Variants in RGS18 observed in about 807,000 individuals in gnomAD.
The protein encoded by RGS18 is regulator of G-protein signaling 18.
In RGS18, 22 loss-of-function variants were observed where a neutral mutation model predicts 27.6. The observed-to-expected ratio is 0.80, with a 90% confidence interval of 0.57 to 1.14. The LOEUF (loss-of-function observed/expected upper bound fraction) is 1.14, where lower values mean the gene tolerates loss of function less well. Ranked by LOEUF, RGS18 falls within the 50% of genes most tolerant of loss-of-function variation. The probability of loss-of-function intolerance (pLI) is 0.00; values close to 1 mark genes in which losing one functional copy is unlikely to be tolerated. For missense variants in RGS18, 299 were observed against 269.6 expected (o/e 1.11, Z -0.76); for synonymous variants, 89 against 84.6 (o/e 1.05, Z -0.29).
intron 3 of RGS18, among the ~76,000 whole-genome samples, chr1:192,174,002 C>T (rs1005743182): frequency 6.6e-6 from 1 of 151,210 alleles, no homozygotes; most frequent in African/African-American, 2.4e-5. Context: ...TATACCCTTC[C>T]TGTTTTTTTT....
intron 3 of RGS18, among the ~76,000 whole-genome samples, chr1:192,176,507 T>C (rs1656361057): frequency 6.6e-6 from 1 of 151,786 alleles, no homozygotes; most frequent in African/African-American, 2.4e-5. Context: ...GCCTCAATAT[T>C]TTTTCTAGTT....
chr1:192,174,228 T>C (rs934030994), intron 3 of RGS18, among the ~76,000 whole-genome samples: 1 of 151,820 alleles, frequency 6.6e-6, no homozygotes, highest in Non-Finnish European at 1.5e-5. Context: ...TTTTCAAATA[T>C]TTGTTTTTGT....
intron 2 of RGS18, among the ~76,000 whole-genome samples, chr1:192,159,799 A>C (rs1438236271): frequency 6.6e-6 from 1 of 152,122 alleles, no homozygotes; most frequent in Admixed American, 6.5e-5. Context: ...ATTCTTCCAA[A>C]TTAGAGTATA....
chr1:192,178,450 G>C (rs1656394782), intron 3 of RGS18, among the ~76,000 whole-genome samples: 1 of 151,526 alleles, frequency 6.6e-6, no homozygotes, highest in African/African-American at 2.4e-5. Flanking sequence ...GATGAAGAAG[G>C]ATAAACTGAG....
chr1:192,165,466 C>T (rs1356566570), intron 3 of RGS18, among the ~76,000 whole-genome samples: 5 of 152,074 alleles, frequency 3.3e-5, no homozygotes, highest in Non-Finnish European at 7.4e-5. Flanking sequence ...TCGTACACTC[C>T]CTCCCCTTTG....
At chr1:192,161,466 A>C (rs1264640690) in intron 3 of RGS18, 1 of 152,184 alleles carries the variant, frequency 6.6e-6, no homozygotes, top group Non-Finnish European at 1.5e-5. Flanking sequence ...GAAAGACTCA[A>C]CTGAGCAGGT....
intron 3 of RGS18, among the ~76,000 whole-genome samples, chr1:192,175,799 C>T (rs1656348908): frequency 6.6e-6 from 1 of 151,866 alleles, no homozygotes; most frequent in Admixed American, 6.6e-5. Context: ...ACCAATTAAG[C>T]CCCCTATGTC....
rs1321555398 is a variant in RGS18 at position 192,185,219 on chromosome 1, C to T, written c.*665C>T. On this transcript the variant is annotated 3_prime_UTR_variant, in exon 5 of 5. Coordinates refer to ENST00000367460, the MANE Select transcript of RGS18 (RefSeq NM_130782.3). ...AATAAGATCCACATTTGAACTCATT[C>T]CTAAGTGAACATGGACGTACCCAGT... 1.3e-5 allele frequency: 2 copies of T among 151,614 alleles called. No homozygotes were observed. The allele number at this position is 151,614 out of a possible 1,614,324, so 9.4% of individuals were successfully genotyped here. A position where few individuals can be genotyped will look rare whatever the true frequency, so the allele number is the denominator to read the frequency against.
chr1:192,165,246 C>G (rs1656144845), intron 3 of RGS18, among the ~76,000 whole-genome samples: 1 of 152,086 alleles, frequency 6.6e-6, no homozygotes, highest in Non-Finnish European at 1.5e-5. Flanking sequence ...TTAGGAAATT[C>G]CAGCCTGGTG....
At chr1:192,161,206 A>G (rs115768317) in intron 3 of RGS18, among the ~76,000 whole-genome samples, 186 of 152,266 alleles carry the variant, frequency 1.2e-3, no homozygotes, top group African/African-American at 4.2e-3. Context: ...CTTCATATCA[A>G]TTGTCTATTT....
At chr1:192,178,124 G>T (rs1293225804) in intron 3 of RGS18, among the ~76,000 whole-genome samples, 1 of 151,538 alleles carries the variant, frequency 6.6e-6, no homozygotes, top group African/African-American at 2.4e-5. Flanking sequence ...TTTTTTTTAA[G>T]ATTTGATTAT....
intron 3 of RGS18, among the ~76,000 whole-genome samples, chr1:192,178,325 G>A (rs1308469965): frequency 1.3e-5 from 2 of 151,666 alleles, no homozygotes; most frequent in African/African-American, 2.4e-5. Context: ...TCACATGTTG[G>A]TTGGTATGAA....
rs1656049334 is a variant in RGS18 at position 192,160,381 on chromosome 1, C to G, written c.225C>G (p.Val75=). ...RSGHLAKETR[V]SPEEAVKWGE... ...AAACATTTTGTTTCTTGTACAGAGTCTCCCCTGAAGAGGCAGTGAAATGGG... is the reference window on the plus strand; with the variant it reads ...AAACATTTTGTTTCTTGTACAGAGTGTCCCCTGAAGAGGCAGTGAAATGGG... The change falls in exon 3 of 5, where the codon GTC becomes GTG. Residue 75 remains valine (V), a synonymous_variant. Transcript: ENST00000367460. The G allele has an allele frequency of 1.2e-6, 2 of 1,609,064 alleles. No homozygotes were observed. Among genetic ancestry groups the G allele is most frequent in the African/African-American group, 1.3e-5 (1 of 74,840 alleles).
chr1:192,163,548 T>C (rs999416633), intron 3 of RGS18: 1 of 152,066 alleles, frequency 6.6e-6, no homozygotes, highest in Admixed American at 6.5e-5. Flanking sequence ...ACTGGTAATA[T>C]TGAAGAACAG....
chr1:192,178,967 A>G (rs1656402971), intron 3 of RGS18, among the ~76,000 whole-genome samples: 2 of 151,686 alleles, frequency 1.3e-5, no homozygotes, highest in East Asian at 2.0e-4. Flanking sequence ...AAATGTCAAG[A>G]GAGAAGATGG....
intron 2 of RGS18, among the ~76,000 whole-genome samples, chr1:192,159,575 T>A (rs1432950181): frequency 2.0e-5 from 3 of 152,124 alleles, no homozygotes; most frequent in Non-Finnish European, 4.4e-5. Flanking sequence ...TTAAATGACA[T>A]GTTTTACTCC....
At chr1:192,165,182 A>C (rs574151433) in intron 3 of RGS18, among the ~76,000 whole-genome samples, 21 of 152,128 alleles carry the variant, frequency 1.4e-4, no homozygotes, top group South Asian at 2.1e-4. Context: ...ATGCCGTTGT[A>C]GGTAGGGATG....
intron 3 of RGS18, among the ~76,000 whole-genome samples, chr1:192,171,787 G>A (rs1571389596): frequency 6.6e-6 from 1 of 151,994 alleles, no homozygotes; most frequent in Admixed American, 6.6e-5. Flanking sequence ...TCATGACAAA[G>A]AGGATAAGGT....
At chr1:192,159,154 G>T (rs1248166320) in intron 1 of RGS18, 66 bp from the exon 2 acceptor site, 3 of 1,153,030 alleles carry the variant, frequency 2.6e-6, no homozygotes, top group African/African-American at 3.1e-5. Context: ...AAATTTTCTG[G>T]TAGTCAGCAG....
Sources: gnomAD v4.1 joint callset for allele counts (sites outside exome capture counted in the v4.1 genomes callset) on GRCh38, gnomAD v4.1.1 for gene constraint, MANE v1.5 for transcripts, NCBI Gene and HGNC (gene_info 2026-07-23, HGNC 2026-07-21) for gene names.